Variants in CATSPER4 observed in about 807,000 individuals in gnomAD.
The protein encoded by CATSPER4 is cation channel sperm associated 4, also known as cation channel sperm-associated protein 4.
A neutral mutation model predicts 54.4 loss-of-function variants in CATSPER4; 46 were observed. The observed-to-expected ratio is 0.84, with a 90% confidence interval of 0.67 to 1.08. The LOEUF (loss-of-function observed/expected upper bound fraction) is 1.08. Ranked by LOEUF, CATSPER4 falls within the 50% of genes least tolerant of loss-of-function variation. The pLI is 0.00. For synonymous variants in CATSPER4, 230 were observed against 231.9 expected (o/e 0.99, Z 0.08); for missense variants, 574 against 612.8 (o/e 0.94, Z 0.67).
Position 26,191,416 on chromosome 1 carries a change from T to C in CATSPER4, c.343T>C (p.Ser115Pro), listed in dbSNP as rs1352096325. The change falls in exon 2 of 10, where the codon TCC (serine) becomes CCC (proline). Residue 115 changes from serine to proline, a missense_variant. Coordinates refer to ENST00000456354, the MANE Select transcript of CATSPER4 (RefSeq NM_198137.2). ...NAITIALRTN[S>P]YLDQKHYELF... is the part of the protein sequence containing the mutation. ...CATCACCATCGCTCTCCGTACCAACTCCTACCTGGACCAGGTGGGATGCCA... is the reference window on the plus strand; with the variant it reads ...CATCACCATCGCTCTCCGTACCAACCCCTACCTGGACCAGGTGGGATGCCA... 3.1e-6 allele frequency: 5 copies of C among 1,614,036 alleles called. No homozygotes were observed. The African/African-American group carries it at 4.0e-5, about 13-fold the overall frequency.
chr1:26,195,356 G>A (rs2088924486), intron 3 of CATSPER4, among the ~76,000 whole-genome samples: 1 of 152,150 alleles, frequency 6.6e-6, no homozygotes, highest in Admixed American at 6.5e-5. Flanking sequence ...GAGAAGCATG[G>A]TGCCAACATC....
rs1377866558 is a variant in CATSPER4 at position 26,198,048 on chromosome 1, A to G, written c.649A>G (p.Ile217Val). The G allele has an allele frequency of 6.2e-6, 10 of 1,613,816 alleles. No homozygotes were observed. Among genetic ancestry groups the G allele is most frequent in the East Asian group, 2.2e-5 (1 of 44,868 alleles). ...GCAGTCGGTGCCTGACATGGCCAAT[A>G]TCATGGTCCTCATCCTCTTCTTCAT... Reference protein sequence around the residue: ...ILQSVPDMANIMVLILFFMLV... With the variant: ...ILQSVPDMANVMVLILFFMLV... The change falls in exon 5 of 10, where the codon ATC becomes GTC. Residue 217 changes from isoleucine (I) to valine (V), a missense_variant. Ile to Val is a conservative substitution (Grantham distance 29, BLOSUM62 3). Transcript: ENST00000456354.
chr1:26,201,632 C>G (rs775035179), intron 9 of CATSPER4, 113 bp downstream of exon 9: 1 of 955,998 alleles, frequency 1.0e-6, no homozygotes. Flanking sequence ...AAGATCTGGT[C>G]CCCCTCACCA....
chr1:26,193,917 T>TC, intron 3 of CATSPER4, 29 bp downstream of exon 3: 1 of 1,512,266 alleles, frequency 6.6e-7, no homozygotes, highest in Non-Finnish European at 9.2e-7. Flanking sequence ...TGCCCCTACT[T>TC]CCCCCTGGGG....
intron 3 of CATSPER4, 70 bp downstream of exon 3, chr1:26,193,958 C>T (rs1311916570): frequency 9.8e-7 from 1 of 1,017,618 alleles, no homozygotes; most frequent in African/African-American, 1.6e-5. Context: ...CCCCTGTACT[C>T]CTGGCCCTAC....
chr1:26,201,583 C>T (rs753013093), intron 9 of CATSPER4, 64 bp downstream of exon 9: 8 of 1,535,458 alleles, frequency 5.2e-6, no homozygotes, highest in East Asian at 2.2e-5. Flanking sequence ...CCAGCCCAGC[C>T]GGGCCTCTGG....
At chr1:26,199,301 G>A (rs2124528558) in intron 6 of CATSPER4, among the ~76,000 whole-genome samples, 1 of 151,892 alleles carries the variant, frequency 6.6e-6, no homozygotes, top group Non-Finnish European at 1.5e-5. Context: ...CCGGACGGTG[G>A]GGCGCCTGTA....
chr1:26,199,103 G>A (rs1384688260), intron 6 of CATSPER4, among the ~76,000 whole-genome samples: 1 of 151,784 alleles, frequency 6.6e-6, no homozygotes, highest in Non-Finnish European at 1.5e-5. Flanking sequence ...TCAGATCAAG[G>A]CTATCCTGGC....
In CATSPER4 at chr1:26,191,374, C is replaced by T. The variant is rs757490747; in HGVS notation, c.301C>T (p.Leu101=). The T allele has an allele frequency of 6.2e-7, 1 of 1,614,234 alleles. No individual in the cohort carries two copies. The highest frequency in any genetic ancestry group is 8.5e-7 in the Non-Finnish European group (1 of 1,180,032). The part of the protein sequence containing the change: ...HPAFQLLLAL[L]LVINAITIAL... Reference sequence around the variant, plus strand: ...CGCCTTCCAACTGCTGCTGGCCCTGCTGCTGGTGATCAATGCCATCACCAT... The same window carrying T: ...CGCCTTCCAACTGCTGCTGGCCCTGTTGCTGGTGATCAATGCCATCACCAT... Residue 101 remains leucine (L), a synonymous_variant, in exon 2 of 10, where the codon CTG becomes TTG. Transcript: ENST00000456354.
At chr1:26,200,109 C>T (rs756785911) in intron 7 of CATSPER4, 51 bp downstream of exon 7, 15 of 1,569,126 alleles carry the variant, frequency 9.6e-6, no homozygotes, top group South Asian at 1.2e-5. Context: ...TGTATGAGAG[C>T]GGACTTGAAC....
At chr1:26,198,138 G>A (rs1314276723) in intron 5 of CATSPER4, 61 bp downstream of exon 5, 8 of 1,613,932 alleles carry the variant, frequency 5.0e-6, no homozygotes, top group Non-Finnish European at 6.8e-6. Context: ...TTGGGTCATT[G>A]CAAATAGAGG....
At position 26,198,309 on chromosome 1, in the gene CATSPER4, ACT is replaced by A; in HGVS notation, c.705_706del (p.Phe236TrpfsTer33). 1 of 1,613,844 alleles carries A rather than the reference ACT, an allele frequency of 6.2e-7. No individual in the cohort carries two copies. Among genetic ancestry groups the A allele is most frequent in the Non-Finnish European group, 8.5e-7 (1 of 1,179,964 alleles). Reference protein sequence around the residue: ...MLVFSVFGVTLFGAFVPKHFQ... With the variant: ...MLVFSVFGVTXFGAFVPKHFQ... ...AGGTTTTTTCCGTGTTTGGAGTAAC[ACT>A]CTTTGGTGCATTCGTGCCCAAGCAT... On this transcript the variant is annotated frameshift_variant, in exon 6 of 10. Transcript: ENST00000456354. LOFTEE classifies it high-confidence loss of function.
chr1:26,193,660 TG>T, intron 2 of CATSPER4, 126 bp from the exon 3 acceptor site: 1 of 740,342 alleles, frequency 1.4e-6, no homozygotes, highest in Middle Eastern at 2.4e-4. Context: ...GTGACAAGGT[TG>T]CTGAGGACCA....
At chr1:26,193,336 A>G (rs1178445203) in intron 2 of CATSPER4, among the ~76,000 whole-genome samples, 1 of 152,118 alleles carries the variant, frequency 6.6e-6, no homozygotes, top group African/African-American at 2.4e-5. Context: ...GAATAGCAGG[A>G]GAGGTTAGGA....
In CATSPER4 at chr1:26,198,274, TC is replaced by T. The variant is rs758631084; in HGVS notation, c.679-11del. The T allele has an allele frequency of 9.3e-6, 15 of 1,614,094 alleles. No individual in the cohort carries two copies. Among genetic ancestry groups the T allele is most frequent in the Non-Finnish European group, 1.3e-5 (15 of 1,180,048 alleles). ...TGGTGAAGTCGGGGTGGGGCTCTTT[TC>T]TCTCTGACAGGTTTTTTCCGTGTTT... On this transcript the variant is annotated splice_polypyrimidine_tract_variant and intron_variant, in intron 5 of 9. Transcript: ENST00000456354.
Position 26,190,803 on chromosome 1 carries a change from A to AG in CATSPER4, c.176_177insG (p.Val60SerfsTer64). On this transcript the variant is annotated frameshift_variant, in exon 1 of 10. Transcript: ENST00000456354. LOFTEE classifies it high-confidence loss of function. The stretch of plus-strand genomic sequence containing the variant: ...GAGTCCTACGGTCGGCCAGAGGAGC[A>AG]AGTGCTCATCAACCGCCAGGAAATC... The AG allele has an allele frequency of 6.2e-7, 1 of 1,612,856 alleles. No homozygotes were observed.
intron 8 of CATSPER4, 140 bp downstream of exon 8, chr1:26,201,181 G>T: frequency 1.1e-6 from 1 of 949,636 alleles, no homozygotes; most frequent in Non-Finnish European, 1.7e-6. Flanking sequence ...ATTGGTGGAG[G>T]AACTGGAATC....
chr1:26,199,175 C>T (rs1275774747), intron 6 of CATSPER4, among the ~76,000 whole-genome samples: 2 of 152,118 alleles, frequency 1.3e-5, no homozygotes, highest in Non-Finnish European at 2.9e-5. Flanking sequence ...CAGTGGCTCA[C>T]ACCTGTAATC....
Position 26,197,999 on chromosome 1 carries a change from C to G in CATSPER4, c.600C>G (p.Leu200=). The part of the protein sequence containing the change: ...LVHVCMAVEP[L]ARIIRVILQS... Reference sequence around the variant, plus strand: ...ATGTGTGCATGGCGGTGGAGCCCCTCGCCCGGATCATCCGCGTCATCCTGC... The same window carrying G: ...ATGTGTGCATGGCGGTGGAGCCCCTGGCCCGGATCATCCGCGTCATCCTGC... The change falls in exon 5 of 10, where the codon CTC becomes CTG. Residue 200 remains leucine, a synonymous_variant. Coordinates refer to ENST00000456354, the MANE Select transcript of CATSPER4 (RefSeq NM_198137.2). 1 of 1,613,866 alleles carries G rather than the reference C, an allele frequency of 6.2e-7. No homozygotes were observed. The highest frequency in any genetic ancestry group is 8.5e-7 in the Non-Finnish European group (1 of 1,179,996).
Sources: allele counts gnomAD v4.1 joint callset (sites outside exome capture counted in the v4.1 genomes callset), GRCh38; gene constraint gnomAD v4.1.1; transcripts MANE v1.5; gene names NCBI Gene and HGNC (gene_info 2026-07-23, HGNC 2026-07-21).